The following TBC1D19 variants were observed in gnomAD, a reference collection of about 807,000 sequenced individuals.
TBC1D19 encodes TBC1 domain family, member 19.
A neutral mutation model predicts 89.0 loss-of-function variants in TBC1D19; 60 were observed. The ratio of observed to expected loss-of-function variants is 0.67; its 90% CI spans 0.55 to 0.84. The LOEUF is 0.84. TBC1D19 is among the 40% of genes least tolerant of loss of function. The pLI, the probability that TBC1D19 is intolerant of heterozygous loss-of-function variation, is 0.00. For missense variants in TBC1D19, 500 were observed against 610.8 expected (o/e 0.82, Z 1.91); for synonymous variants, 189 against 199.7 (o/e 0.95, Z 0.45).
the TBC1D19 span, among the ~76,000 whole-genome samples, chr4:26,851,927 G>T: frequency 6.6e-6 from 1 of 152,152 alleles, no homozygotes; most frequent in African/African-American, 2.4e-5. Flanking sequence ...AGACAGAAAG[G>T]GTATGTCTGG....
intron 13 of TBC1D19, among the ~76,000 whole-genome samples, chr4:26,717,442 A>G (rs1398750101): frequency 6.6e-6 from 1 of 151,856 alleles, no homozygotes; most frequent in Non-Finnish European, 1.5e-5. Context: ...GCTAGCTTCT[A>G]CCCTTTATTA....
At chr4:26,690,752 A>G (rs918395292) in intron 13 of TBC1D19, among the ~76,000 whole-genome samples, 2 of 152,244 alleles carry the variant, frequency 1.3e-5, no homozygotes, top group Admixed American at 6.5e-5. Context: ...CACAATGCAC[A>G]TATTCACCCA....
the TBC1D19 span, among the ~76,000 whole-genome samples, chr4:26,774,714 C>A: frequency 6.6e-6 from 1 of 152,160 alleles, no homozygotes; most frequent in African/African-American, 2.4e-5. Context: ...CTAATATTTT[C>A]TACATAAACG....
the TBC1D19 span, among the ~76,000 whole-genome samples, chr4:26,791,113 TC>T: frequency 6.6e-6 from 1 of 152,038 alleles, no homozygotes; most frequent in Non-Finnish European, 1.5e-5. Flanking sequence ...CTCCACACTA[TC>T]CCCAGAACAA....
At chr4:26,609,306 AC>A (rs994578383) in intron 1 of TBC1D19, among the ~76,000 whole-genome samples, 17 of 152,090 alleles carry the variant, frequency 1.1e-4, no homozygotes, top group African/African-American at 3.6e-4. Context: ...AAAAATAAAG[AC>A]CCATTCCTTG....
chr4:26,781,933 T>C, the TBC1D19 span, among the ~76,000 whole-genome samples: 1 of 740 alleles, frequency 1.4e-3, no homozygotes, highest in African/African-American at 1.6e-3. Flanking sequence ...TGATATCTGC[T>C]TATAAAAAAA....
upstream of TBC1D19, among the ~76,000 whole-genome samples, chr4:26,579,736 G>A (rs775525983): frequency 2.1e-5 from 3 of 143,372 alleles, no homozygotes; most frequent in Non-Finnish European, 3.0e-5. Flanking sequence ...TTCAACTCCC[G>A]CTTATGAGTA....
chr4:26,717,817 T>G, intron 13 of TBC1D19, 116 bp from the exon 14 acceptor site: 2 of 733,554 alleles, frequency 2.7e-6, no homozygotes, highest in East Asian at 5.3e-5. Context: ...AGGGCATTCT[T>G]CCCACCGCAA....
Position 26,649,962 on chromosome 4 carries a change from G to A in TBC1D19, c.481-9635G>A, listed in dbSNP as rs1005905098. ...CCACCTATGAGTGAGAACATGCGGTGTTTGGTTTTTTGTCCTTGCGATAGT... is the reference window on the plus strand; with the variant it reads ...CCACCTATGAGTGAGAACATGCGGTATTTGGTTTTTTGTCCTTGCGATAGT... On this transcript the variant is annotated intron_variant, in intron 7 of 20. Transcript: ENST00000264866. Among the ~76,000 whole-genome samples the A allele has an allele frequency of 9.0e-4, 28 of 30,956 alleles. No individual in the cohort carries two copies. The Non-Finnish European group carries it at 0.054, about 60-fold the overall frequency. 20.3% of individuals were successfully genotyped at this position (30,956 alleles called of 152,430 possible).
At chr4:26,840,326 C>G in the TBC1D19 span, among the ~76,000 whole-genome samples, 1 of 151,788 alleles carries the variant, frequency 6.6e-6, no homozygotes, top group East Asian at 1.9e-4. Flanking sequence ...AGGCAATCTG[C>G]CTGCCTTGGC....
rs904716133 is a variant in TBC1D19, at chr4:26,629,132, T to C, written c.295-8079T>C. 2.0e-5 allele frequency among the ~76,000 whole-genome samples: 3 copies of C among 152,176 alleles called. No homozygotes were observed. The South Asian group carries it at 6.2e-4, about 32-fold the overall frequency. On this transcript the variant is annotated intron_variant, in intron 4 of 20. Transcript: ENST00000264866. The stretch of plus-strand genomic sequence containing the variant: ...TCCACTTGTTGCAATAGGAGAACTT[T>C]TGCTTATGCCACTGCGTCTATTTGA...
chr4:26,714,803 C>T (rs1013717832), intron 13 of TBC1D19, among the ~76,000 whole-genome samples: 1 of 152,000 alleles, frequency 6.6e-6, no homozygotes, highest in Non-Finnish European at 1.5e-5. Context: ...CATAGAAATG[C>T]TTTCTGATTA....
chr4:26,680,750 T>C (rs1213994713), intron 11 of TBC1D19, among the ~76,000 whole-genome samples: 1 of 152,238 alleles, frequency 6.6e-6, no homozygotes, highest in Admixed American at 6.5e-5. Context: ...CCAGTGCCTA[T>C]TTGATCCTTG....
At position 26,739,944 on chromosome 4, in the gene TBC1D19, A is replaced by T; in HGVS notation, c.1198A>T (p.Arg400Ter). 1 of 1,596,160 alleles carries T rather than the reference A, an allele frequency of 6.3e-7. No individual in the cohort carries two copies. The highest frequency in any genetic ancestry group is 8.5e-7 in the Non-Finnish European group (1 of 1,171,968). The change falls in exon 17 of 21, where the codon AGA becomes TGA. Residue 400 changes from arginine (R) to a stop codon, truncating the protein, a stop_gained. Coordinates refer to ENST00000264866, the MANE Select transcript of TBC1D19 (RefSeq NM_018317.4). LOFTEE classifies it high-confidence loss of function. ...FREMYVRFFF[R>*]LHSISSHPSG... ...TGAGATGTATGTGCGTTTTTTCTTC[A>T]GACTCCATTCCATCTCTTCTCATCC...
rs190392068 is a variant in TBC1D19 at position 26,590,543 on chromosome 4, G to C, written c.99+6251G>C. Among the ~76,000 whole-genome samples, 115 of 152,112 alleles carry C rather than the reference G, an allele frequency of 7.6e-4. 1 individual carries two copies. Among genetic ancestry groups the C allele is most frequent in the African/African-American group, 2.5e-3 (103 of 41,482 alleles). ...AGATTTGTTATTTTTTAAATGTTTG[G>C]AAGAATTCTTCAATGAAGCCTGTGT... On this transcript the variant is annotated intron_variant, in intron 1 of 20. Coordinates refer to ENST00000264866, the MANE Select transcript of TBC1D19 (RefSeq NM_018317.4).
chr4:26,679,743 A>G (rs1365971498), intron 11 of TBC1D19, among the ~76,000 whole-genome samples: 1 of 152,238 alleles, frequency 6.6e-6, no homozygotes, highest in Non-Finnish European at 1.5e-5. Context: ...GTAAAGCCAC[A>G]GGGGCAGAGC....
the TBC1D19 span, among the ~76,000 whole-genome samples, chr4:26,762,431 T>C: frequency 6.6e-6 from 1 of 152,332 alleles, no homozygotes; most frequent in East Asian, 1.9e-4. Flanking sequence ...ATACTTACTC[T>C]GAGCAAGGTA....
At chr4:26,641,216 G>T (rs1439406047) in intron 7 of TBC1D19, among the ~76,000 whole-genome samples, 2 of 152,206 alleles carry the variant, frequency 1.3e-5, no homozygotes, top group Non-Finnish European at 2.9e-5. Context: ...GAAGCATCAG[G>T]CAGCAATATT....
upstream of TBC1D19, among the ~76,000 whole-genome samples, chr4:26,581,065 T>G (rs539905304): frequency 6.6e-6 from 1 of 152,204 alleles, no homozygotes; most frequent in Non-Finnish European, 1.5e-5. Context: ...TGTTTTAATT[T>G]TGTCTCTCTT....
Sources: allele counts gnomAD v4.1 joint callset (sites outside exome capture counted in the v4.1 genomes callset), GRCh38; gene constraint gnomAD v4.1.1; transcripts MANE v1.5; gene names NCBI Gene and HGNC (gene_info 2026-07-23, HGNC 2026-07-21).